Variants in MGLL observed in about 807,000 individuals in gnomAD.
The protein encoded by MGLL is monoglyceride lipase.
Under a neutral mutation model 29.1 loss-of-function variants are expected in MGLL, and 7 were observed. The observed-to-expected ratio is 0.24, with a 90% confidence interval of 0.14 to 0.45. The LOEUF (loss-of-function observed/expected upper bound fraction) is 0.45, where lower values mean the gene tolerates loss of function less well. Among genes scored for constraint, MGLL ranks in the 20% least tolerant of loss-of-function variants. MGLL has a pLI of 0.99. For synonymous variants in MGLL, 148 were observed against 168.3 expected (o/e 0.88, Z 0.93); for missense variants, 356 against 413.6 (o/e 0.86, Z 1.21).
In MGLL at chr3:127,692,115, T is replaced by TTTTTTAA; in HGVS notation, c.*82_*83insTTAAAAA. ...TCTGATTTTTTTTTTTTTTTTTTTT[T>TTTTTTAA]GGCAAGCCATATCTGAGAAGCCATC... On this transcript the variant is annotated 3_prime_UTR_variant, in exon 8 of 8. Coordinates refer to ENST00000265052, the MANE Select transcript of MGLL (RefSeq NM_007283.7). 8.1e-6 allele frequency: 4 copies of TTTTTTAA among 492,142 alleles called. No individual in the cohort carries two copies. Among genetic ancestry groups the TTTTTTAA allele is most frequent in the South Asian group, 4.7e-5 (2 of 42,598 alleles). 30.5% of individuals were successfully genotyped at this position (492,142 alleles called of 1,614,324 possible).
chr3:127,739,300 T>A (rs2076295573), intron 3 of MGLL, among the ~76,000 whole-genome samples: 1 of 152,150 alleles, frequency 6.6e-6, no homozygotes, highest in South Asian at 2.1e-4. Flanking sequence ...AGTCCCCACC[T>A]CTCTGGCTTG....
chr3:127,767,436 C>A (rs1559956625), intron 3 of MGLL, among the ~76,000 whole-genome samples: 1 of 152,128 alleles, frequency 6.6e-6, no homozygotes, highest in Admixed American at 6.5e-5. Flanking sequence ...TGGCTCGTGG[C>A]AAGGATCAAA....
intron 3 of MGLL, among the ~76,000 whole-genome samples, chr3:127,751,640 T>C (rs2076560847): frequency 6.6e-6 from 1 of 151,858 alleles, no homozygotes; most frequent in African/African-American, 2.4e-5. Flanking sequence ...CATCATGAGA[T>C]AGATAAATGG....
chr3:127,785,797 CCA>C (rs1406733803), intron 2 of MGLL, among the ~76,000 whole-genome samples: 2 of 152,236 alleles, frequency 1.3e-5, no homozygotes, highest in Admixed American at 6.5e-5. Context: ...TTGTCCCTGC[CCA>C]CACACAGCTT....
chr3:127,697,190 C>T (rs1483064312), intron 6 of MGLL, among the ~76,000 whole-genome samples: 1 of 152,244 alleles, frequency 6.6e-6, no homozygotes, highest in Non-Finnish European at 1.5e-5. Context: ...GGCCCAACCA[C>T]AGGGGGTGCT....
intron 6 of MGLL, among the ~76,000 whole-genome samples, chr3:127,702,665 G>A (rs916681914): frequency 1.3e-5 from 2 of 152,134 alleles, no homozygotes; most frequent in African/African-American, 4.8e-5. Flanking sequence ...TTAGTATGAA[G>A]GTTTGAACTC....
At position 127,750,010 on chromosome 3, in the gene MGLL, C is replaced by T. The variant is rs375946087; in HGVS notation, c.263-27444G>A. ...AGCCAGGGACAGGGAGAGATGGGGC[C>T]AGGTCACGGGGGCCTTGTAGGCTTC... On this transcript the variant is annotated intron_variant, in intron 3 of 7. Transcript: ENST00000265052. 5.3e-5 allele frequency among the ~76,000 whole-genome samples: 8 copies of T among 152,132 alleles called. No individual in the cohort carries two copies. The East Asian group carries it at 7.7e-4, about 15-fold the overall frequency.
intron 2 of MGLL, among the ~76,000 whole-genome samples, chr3:127,792,484 A>G (rs1316660355): frequency 6.6e-6 from 1 of 152,140 alleles, no homozygotes; most frequent in African/African-American, 2.4e-5. Context: ...AGGTCAGATC[A>G]TGAGGTCAAG....
chr3:127,790,958 C>T (rs1037512375), intron 2 of MGLL, among the ~76,000 whole-genome samples: 1 of 152,182 alleles, frequency 6.6e-6, no homozygotes, highest in Admixed American at 6.5e-5. Flanking sequence ...TAGCCGGCCC[C>T]AGTGCGGTGA....
At chr3:127,814,316 G>T (rs2077715116) in intron 2 of MGLL, among the ~76,000 whole-genome samples, 1 of 152,100 alleles carries the variant, frequency 6.6e-6, no homozygotes, top group Admixed American at 6.5e-5. Flanking sequence ...TTCACTCGCT[G>T]ACCACCGCAG....
chr3:127,743,628 G>A (rs1038891939), intron 3 of MGLL, among the ~76,000 whole-genome samples: 1 of 147,446 alleles, frequency 6.8e-6, no homozygotes, highest in African/African-American at 2.5e-5. Context: ...GGAACAAAGG[G>A]AGGCTCAAAG....
chr3:127,804,130 A>T (rs1486834333), intron 2 of MGLL, among the ~76,000 whole-genome samples: 1 of 152,266 alleles, frequency 6.6e-6, no homozygotes, highest in Non-Finnish European at 1.5e-5. Flanking sequence ...TATGAAAATC[A>T]CAAAGGTGGC....
chr3:127,791,887 A>G (rs1385910527), intron 2 of MGLL, among the ~76,000 whole-genome samples: 1 of 152,180 alleles, frequency 6.6e-6, no homozygotes, highest in Non-Finnish European at 1.5e-5. Flanking sequence ...CCTGACCAAC[A>G]TGGTGAAACC....
intron 3 of MGLL, among the ~76,000 whole-genome samples, chr3:127,770,610 C>CGT: frequency 6.6e-6 from 1 of 152,128 alleles, no homozygotes; most frequent in South Asian, 2.1e-4. Context: ...AGAACTAAGG[C>CGT]GTGAGGGCCA....
At chr3:127,770,787 G>C (rs2076935572) in intron 3 of MGLL, among the ~76,000 whole-genome samples, 1 of 152,232 alleles carries the variant, frequency 6.6e-6, no homozygotes, top group Admixed American at 6.5e-5. Context: ...CAGAGGATCA[G>C]TGACTTGCCC....
rs757785206 is a variant in MGLL at position 127,694,984 on chromosome 3, C to T, written c.807G>A (p.Lys269=). The T allele has an allele frequency of 1.2e-6, 2 of 1,613,892 alleles. No homozygotes were observed. The highest frequency in any genetic ancestry group is 1.7e-6 in the Non-Finnish European group (2 of 1,179,990). The stretch of plus-strand genomic sequence containing the variant: ...AGTGGCAGCCGCTCACCTTGAGAGT[C>T]TTGTCCTGGCTCTTGGCTAACTCCA... ...LLMELAKSQD[K]TLKIYEGAYH... The change falls in exon 7 of 8, where the codon AAG becomes AAA. Residue 269 remains lysine (K), a synonymous_variant. Coordinates refer to ENST00000265052, the MANE Select transcript of MGLL (RefSeq NM_007283.7).
At chr3:127,739,706 G>C (rs2076302153) in intron 3 of MGLL, among the ~76,000 whole-genome samples, 1 of 152,208 alleles carries the variant, frequency 6.6e-6, no homozygotes, top group African/African-American at 2.4e-5. Flanking sequence ...CTTTGGGATG[G>C]AGCAGCAGGC....
chr3:127,696,730 T>C (rs2075374913), intron 6 of MGLL, among the ~76,000 whole-genome samples: 1 of 151,938 alleles, frequency 6.6e-6, no homozygotes, highest in Admixed American at 6.6e-5. Context: ...TGCTTCTTCA[T>C]TCATGTTTGT....
chr3:127,760,159 A>T (rs973821954), intron 3 of MGLL, among the ~76,000 whole-genome samples: 1 of 152,214 alleles, frequency 6.6e-6, no homozygotes, highest in African/African-American at 2.4e-5. Flanking sequence ...GCATCCATTT[A>T]TGGGACATTG....
Sources: gnomAD v4.1 joint callset for allele counts (sites outside exome capture counted in the v4.1 genomes callset) on GRCh38, gnomAD v4.1.1 for gene constraint, MANE v1.5 for transcripts, NCBI Gene and HGNC (gene_info 2026-07-23, HGNC 2026-07-21) for gene names.